The following FZD3 variants were observed in gnomAD, a reference collection of about 807,000 sequenced individuals.
The protein encoded by FZD3 is frizzled class receptor 3, also known as frizzled-3.
A neutral mutation model predicts 60.7 loss-of-function variants in FZD3; 30 were observed. The observed-to-expected ratio is 0.49, with a 90% CI of 0.37 to 0.67. The LOEUF is 0.67. Ranked by LOEUF, FZD3 falls within the 30% of genes least tolerant of loss-of-function variation. FZD3 has a pLI of 0.00. For missense variants in FZD3, 605 were observed against 838.7 expected (o/e 0.72, Z 3.44); for synonymous variants, 246 against 275.2 (o/e 0.89, Z 1.05).
chr8:28,562,756 A>T (rs1317960307), intron 7 of FZD3, 42 bp from the exon 8 acceptor site: 3 of 1,116,484 alleles, frequency 2.7e-6, no homozygotes, highest in Non-Finnish European at 4.0e-6. Context: ...TATATTTTCT[A>T]GTGTGTTCTG....
At chr8:28,529,810 A>ATTG (rs1804816145) in intron 5 of FZD3, among the ~76,000 whole-genome samples, 1 of 152,278 alleles carries the variant, frequency 6.6e-6, no homozygotes, top group Admixed American at 6.5e-5. Flanking sequence ...AAAAACTCTT[A>ATTG]TTATGAGTTT....
chr8:28,562,731 A>C, intron 7 of FZD3, 67 bp from the exon 8 acceptor site: 1 of 972,432 alleles, frequency 1.0e-6, no homozygotes, highest in Non-Finnish European at 1.6e-6. Flanking sequence ...TTTTTATGAA[A>C]ATTATTAGTG....
At chr8:28,551,269 C>T (rs1050595326) in intron 5 of FZD3, among the ~76,000 whole-genome samples, 6 of 152,198 alleles carry the variant, frequency 3.9e-5, no homozygotes, top group East Asian at 3.8e-4. Flanking sequence ...CAGTGGCTCA[C>T]GCCTGTAATC....
Position 28,543,719 on chromosome 8 carries a change from C to CAA in FZD3, c.1405-7872_1405-7871dup, listed in dbSNP as rs199814192. Reference sequence around the variant, plus strand: ...TATGAGATTTTCTCTTTTTGTAAGCCAAAAAAAAAAAAATGTATACAGTCA... The same window carrying CAA: ...TATGAGATTTTCTCTTTTTGTAAGCCAAAAAAAAAAAAAAATGTATACAGTCA... On this transcript the variant is annotated intron_variant, in intron 5 of 7. Coordinates refer to ENST00000240093, the MANE Select transcript of FZD3 (RefSeq NM_017412.4). Among the ~76,000 whole-genome samples the CAA allele has an allele frequency of 5.4e-3, 699 of 128,836 alleles. 4 individuals carry two copies. Among genetic ancestry groups the CAA allele is most frequent in the African/African-American group, 0.018 (634 of 34,994 alleles). The allele number at this position is 128,836 out of a possible 152,430, so 84.5% of individuals were successfully genotyped here.
chr8:28,504,311 G>C (rs941205023), intron 3 of FZD3, among the ~76,000 whole-genome samples: 1 of 152,174 alleles, frequency 6.6e-6, no homozygotes, highest in Non-Finnish European at 1.5e-5. Flanking sequence ...TGAAGAGAGA[G>C]AATTGGTATA....
intron 4 of FZD3, among the ~76,000 whole-genome samples, chr8:28,525,478 G>C (rs1804693129): frequency 6.6e-6 from 1 of 152,174 alleles, no homozygotes; most frequent in South Asian, 2.1e-4. Flanking sequence ...GGCAGAGCGG[G>C]CCAGGCAAAG....
chr8:28,545,261 T>C (rs1361441125), intron 5 of FZD3, among the ~76,000 whole-genome samples: 4 of 152,232 alleles, frequency 2.6e-5, no homozygotes, highest in African/African-American at 9.6e-5. Context: ...CAAATTGTGC[T>C]GGCACTGTGA....
At chr8:28,547,074 G>T (rs1217703409) in intron 5 of FZD3, among the ~76,000 whole-genome samples, 1 of 152,152 alleles carries the variant, frequency 6.6e-6, no homozygotes, top group East Asian at 1.9e-4. Context: ...GCTTCCCAGT[G>T]CCCCTCTCAA....
chr8:28,560,495 T>G (rs1180125121), intron 7 of FZD3, among the ~76,000 whole-genome samples: 1 of 152,184 alleles, frequency 6.6e-6, no homozygotes, highest in Non-Finnish European at 1.5e-5. Context: ...ATGTGTCACT[T>G]AAGGAATTTA....
chr8:28,501,634 A>G (rs1803997112), intron 2 of FZD3, among the ~76,000 whole-genome samples: 1 of 152,162 alleles, frequency 6.6e-6, no homozygotes, highest in Non-Finnish European at 1.5e-5. Flanking sequence ...TACTTTTTTC[A>G]TACCAGACCT....
intron 3 of FZD3, among the ~76,000 whole-genome samples, chr8:28,518,181 C>G (rs1318633492): frequency 4.6e-5 from 7 of 151,878 alleles, no homozygotes; most frequent in Admixed American, 4.6e-4. Flanking sequence ...GCCTCTGCCT[C>G]CCAAGTAGCT....
chr8:28,522,747 A>T (rs1483032075), intron 4 of FZD3, among the ~76,000 whole-genome samples: 24 of 149,150 alleles, frequency 1.6e-4, no homozygotes, highest in Non-Finnish European at 1.5e-5. Context: ...GAAATCTTAA[A>T]TTCTGAAAAA....
chr8:28,505,644 C>T (rs1414342913), intron 3 of FZD3, among the ~76,000 whole-genome samples: 2 of 152,206 alleles, frequency 1.3e-5, no homozygotes. Flanking sequence ...AGCCACCGCG[C>T]CTGGCTGGAG....
At position 28,565,517 on chromosome 8, in the gene FZD3, A is replaced by G. The variant is rs1398259450; in HGVS notation, c.*2506A>G. ...GTTGTCATCCATTGCCATCTGCATT[A>G]TATTATCAACTGCCAAAATGTTAAT... On this transcript the variant is annotated 3_prime_UTR_variant, in exon 8 of 8. Transcript: ENST00000240093. 2.0e-5 allele frequency: 3 copies of G among 152,210 alleles called. No homozygotes were observed. The highest frequency in any genetic ancestry group is 4.4e-5 in the Non-Finnish European group (3 of 68,020). The allele number at this position is 152,210 out of a possible 1,614,324, so 9.4% of individuals were successfully genotyped here.
In FZD3 at chr8:28,562,914, A is replaced by G. The variant is rs748996762; in HGVS notation, c.1904A>G (p.His635Arg). Residue 635 changes from histidine to arginine, a missense_variant, in exon 8 of 8, where the codon CAT becomes CGT. Physicochemically the swap from His to Arg is conservative, Grantham distance 29. Coordinates refer to ENST00000240093, the MANE Select transcript of FZD3 (RefSeq NM_017412.4). ...CATCGGCTCAATGAACAGTCACGAC[A>G]TAGCAGCATCAGAGATCTCAGTAAT... ...SSHRLNEQSR[H>R]SSIRDLSNNP... 3 of 1,613,232 alleles carry G rather than the reference A, an allele frequency of 1.9e-6. No individual in the cohort carries two copies. Among genetic ancestry groups the G allele is most frequent in the Admixed American group, 1.7e-5 (1 of 60,020 alleles).
At chr8:28,549,957 C>T (rs1010388845) in intron 5 of FZD3, among the ~76,000 whole-genome samples, 1 of 152,074 alleles carries the variant, frequency 6.6e-6, no homozygotes, top group Admixed American at 6.5e-5. Flanking sequence ...TGTTTGCATA[C>T]AGATTCCTAA....
intron 5 of FZD3, among the ~76,000 whole-genome samples, chr8:28,544,261 T>G (rs986542565): frequency 2.0e-5 from 3 of 152,144 alleles, no homozygotes; most frequent in African/African-American, 7.2e-5. Flanking sequence ...GATATGAATA[T>G]CTGCCTTTAA....
rs1804030787 is a variant in FZD3, at chr8:28,502,778, A to G, written c.-236A>G. On this transcript the variant is annotated 5_prime_UTR_variant, in exon 3 of 8. An upstream start codon of the reference 5' UTR is lost. Coordinates refer to ENST00000240093, the MANE Select transcript of FZD3 (RefSeq NM_017412.4). Reference sequence around the variant, plus strand: ...GGCCAAATGTGCCCCATGTAATAAAATGAAAAGAAGAGACAAGATGATGTC... The same window carrying G: ...GGCCAAATGTGCCCCATGTAATAAAGTGAAAAGAAGAGACAAGATGATGTC... 3.2e-6 allele frequency: 1 copy of G among 309,528 alleles called. No homozygotes were observed. The highest frequency in any genetic ancestry group is 4.9e-5 in the Admixed American group (1 of 20,296). 19.2% of individuals were successfully genotyped at this position (309,528 alleles called of 1,614,324 possible). A position where few individuals can be genotyped will look rare whatever the true frequency, so the allele number is the denominator to read the frequency against.
chr8:28,510,177 TA>T (rs1160035818), intron 3 of FZD3, among the ~76,000 whole-genome samples: 2 of 152,350 alleles, frequency 1.3e-5, no homozygotes, highest in South Asian at 2.1e-4. Context: ...ACATGATCCT[TA>T]TTTTTTTATA....
Sources: gnomAD v4.1 joint callset for allele counts (sites outside exome capture counted in the v4.1 genomes callset) on GRCh38, gnomAD v4.1.1 for gene constraint, MANE v1.5 for transcripts, NCBI Gene and HGNC (gene_info 2026-07-23, HGNC 2026-07-21) for gene names.